HMCN1: variants seen among roughly 807,000 people sequenced by gnomAD.
HMCN1 encodes hemicentin-1.
Under a neutral mutation model 625.9 loss-of-function variants are expected in HMCN1, and 321 were observed. The observed-to-expected ratio is 0.51, with a 90% CI of 0.47 to 0.56. The LOEUF (loss-of-function observed/expected upper bound fraction) is 0.56. Among genes scored for constraint, HMCN1 ranks in the 20% least tolerant of loss-of-function variants. HMCN1 has a pLI of 0.00. For missense variants in HMCN1, 6,588 were observed against 6,887.3 expected, an observed-to-expected ratio of 0.96 and a Z score of 1.54; for synonymous variants, 2,425 against 2,417.6, an observed-to-expected ratio of 1.00 and a Z score of -0.09.
intron 64 of HMCN1, among the ~76,000 whole-genome samples, chr1:186,091,748 C>T (rs1227565680): frequency 1.3e-5 from 2 of 151,948 alleles, no homozygotes; most frequent in African/African-American, 2.4e-5. Context: ...CATAAGTGGG[C>T]ATTAACTACA....
intron 4 of HMCN1, among the ~76,000 whole-genome samples, chr1:185,866,384 T>C (rs868002983): frequency 6.7e-6 from 1 of 150,114 alleles, no homozygotes; most frequent in Middle Eastern, 3.5e-3. Context: ...GTCCTTTAGA[T>C]AGGTTTGTCA....
In HMCN1 at chr1:186,093,600, G is replaced by A. The variant is rs1267956613; in HGVS notation, c.10127G>A (p.Trp3376Ter). ...GGGACGCCTCCACCACAGATAAACT[G>A]GCTGAAGAATGGACTTCCTCTGCCT... ...ATGTPPPQIN[W>*]LKNGLPLPLS... The change falls in exon 66 of 107, where the codon TGG becomes TAG. Residue 3376 changes from tryptophan to a stop codon, truncating the protein, a stop_gained. Coordinates refer to ENST00000271588, the MANE Select transcript of HMCN1 (RefSeq NM_031935.3). LOFTEE classifies it high-confidence loss of function. 6.2e-7 allele frequency: 1 copy of A among 1,613,262 alleles called. No individual in the cohort carries two copies. Among genetic ancestry groups the A allele is most frequent in the Non-Finnish European group, 8.5e-7 (1 of 1,179,616 alleles).
intron 2 of HMCN1, among the ~76,000 whole-genome samples, chr1:185,847,698 C>A (rs538844412): frequency 6.6e-6 from 1 of 152,130 alleles, no homozygotes; most frequent in African/African-American, 2.4e-5. Flanking sequence ...GCCTGTAATC[C>A]CAGTGCTGCT....
chr1:185,864,451 T>C lies in HMCN1; in HGVS notation c.340-19T>C. On this transcript the variant is annotated intron_variant, in intron 2 of 106. Transcript: ENST00000271588. ...GTTTTTGATGATGACGTAATTGAAT[T>C]TTTCTCTCCACTCAACAGGGTGGTG... 1 of 1,613,128 alleles carries C rather than the reference T, an allele frequency of 6.2e-7. No homozygotes were observed. Among genetic ancestry groups the C allele is most frequent in the Non-Finnish European group, 8.5e-7 (1 of 1,179,366 alleles).
chr1:186,048,756 A>C lies in HMCN1; in HGVS notation c.6494A>C (p.Gln2165Pro). The stretch of plus-strand genomic sequence containing the variant: ...TTTTGTTTTCAGATTGAAGATGCTC[A>C]GGTTCAAGACACTGGTCGTTACACT... ...NRSVLKIEDA[Q>P]VQDTGRYTCE... Residue 2165 changes from glutamine to proline, a missense_variant, in exon 42 of 107, where the codon CAG becomes CCG. This residue lies in a region of HMCN1 where 4,628 missense variants were observed against 4,853.1 expected (regional missense o/e 0.95). Transcript: ENST00000271588. The C allele has an allele frequency of 6.2e-7, 1 of 1,606,962 alleles. No homozygotes were observed. The highest frequency in any genetic ancestry group is 8.5e-7 in the Non-Finnish European group (1 of 1,173,902).
chr1:185,854,752 G>A (rs1662359780), intron 2 of HMCN1, among the ~76,000 whole-genome samples: 1 of 151,988 alleles, frequency 6.6e-6, no homozygotes, highest in Middle Eastern at 3.4e-3. Flanking sequence ...TGTAAAATTT[G>A]CGTACCTCAA....
intron 4 of HMCN1, among the ~76,000 whole-genome samples, chr1:185,869,576 T>G (rs1663479303): frequency 6.6e-6 from 1 of 151,954 alleles, no homozygotes; most frequent in Non-Finnish European, 1.5e-5. Context: ...CTTTTTTCAC[T>G]GTGTGTGAAA....
Position 186,016,067 on chromosome 1 carries a change from C to T in HMCN1, c.5019C>T (p.Leu1673=). The part of the protein sequence containing the change: ...CKAAGNPSPI[L]TWLKDGVPVK... ...CTGCTGGAAACCCTTCTCCCATTCT[C>T]ACCTGGTTGAAAGATGGTGTACCTG... is the stretch of plus-strand genomic sequence containing the variant. Residue 1673 remains leucine, a synonymous_variant, in exon 32 of 107, where the codon CTC becomes CTT. Coordinates refer to ENST00000271588, the MANE Select transcript of HMCN1 (RefSeq NM_031935.3). 6.2e-7 allele frequency: 1 copy of T among 1,613,532 alleles called. No homozygotes were observed. Among genetic ancestry groups the T allele is most frequent in the Admixed American group, 1.7e-5 (1 of 59,932 alleles).
chr1:185,865,292 T>C (rs1283366489), intron 3 of HMCN1, among the ~76,000 whole-genome samples: 1 of 152,212 alleles, frequency 6.6e-6, no homozygotes, highest in Non-Finnish European at 1.5e-5. Flanking sequence ...AGCCCAGAAC[T>C]TGTAGAATGT....
intron 15 of HMCN1, among the ~76,000 whole-genome samples, chr1:185,975,587 C>G (rs1158153302): frequency 2.0e-5 from 3 of 152,074 alleles, no homozygotes; most frequent in Admixed American, 6.6e-5. Context: ...GGCAGGGACA[C>G]AGATCCAAAC....
At chr1:186,005,511 TTTAA>T (rs1258476247) in intron 29 of HMCN1, among the ~76,000 whole-genome samples, 5 of 148,790 alleles carry the variant, frequency 3.4e-5, no homozygotes, top group Non-Finnish European at 7.4e-5. Context: ...TAAACAAGTT[TTTAA>T]TTGTTTAAAT....
chr1:186,074,217 G>C (rs960740833), intron 52 of HMCN1, among the ~76,000 whole-genome samples: 1 of 115,546 alleles, frequency 8.7e-6, no homozygotes, highest in African/African-American at 4.4e-5. Context: ...CTATTTTATA[G>C]TAATAATTTC....
At chr1:185,916,751 C>G (rs1462570123) in intron 6 of HMCN1, among the ~76,000 whole-genome samples, 1 of 152,102 alleles carries the variant, frequency 6.6e-6, no homozygotes, top group Non-Finnish European at 1.5e-5. Context: ...GAGGAATTCT[C>G]CCTGGCTTAA....
chr1:186,136,709 A>G lies in HMCN1; in HGVS notation c.13354A>G (p.Asn4452Asp). 1 of 1,613,994 alleles carries G rather than the reference A, an allele frequency of 6.2e-7. No homozygotes were observed. The highest frequency in any genetic ancestry group is 1.1e-5 in the South Asian group (1 of 91,082). Residue 4452 changes from asparagine (N) to aspartate (D), a missense_variant, in exon 87 of 107, where the codon AAT becomes GAT. Asn to Asp is a conservative substitution (Grantham distance 23, BLOSUM62 1). Around this residue, in one of 3 missense-constraint regions of HMCN1, gnomAD observed 1,954 missense variants for 2,013.1 expected, o/e 0.97. Transcript: ENST00000271588. The part of the protein sequence containing the change: ...ITLEPVETVI[N>D]AGGKIILNCQ... ...TCTTGAGCCAGTGGAAACTGTTATT[A>G]ATGCTGGTGGCAAAATCATATTGAA...
At chr1:186,136,371 A>G (rs184369580) in intron 86 of HMCN1, among the ~76,000 whole-genome samples, 1 of 152,296 alleles carries the variant, frequency 6.6e-6, no homozygotes, top group East Asian at 1.9e-4. Context: ...TTTTAAGGAC[A>G]TGGGGCTCAG....
chr1:186,130,669 A>G lies in HMCN1; in HGVS notation c.13202A>G (p.Asn4401Ser), dbSNP rs1661883551. The G allele has an allele frequency of 3.1e-6, 5 of 1,613,048 alleles. No individual in the cohort carries two copies. Among genetic ancestry groups the G allele is most frequent in the African/African-American group, 2.7e-5 (2 of 74,986 alleles). ...EISHRIRQLG[N>S]GSLAIYGTVN... ...AGCCACAGAATCCGGCAACTGGGCAATGGCTCCCTGGCCATCTATGGCACT... is the reference window on the plus strand; with the variant it reads ...AGCCACAGAATCCGGCAACTGGGCAGTGGCTCCCTGGCCATCTATGGCACT... The change falls in exon 85 of 107, where the codon AAT (asparagine) becomes AGT (serine). Residue 4401 changes from asparagine to serine, a missense_variant. Asn to Ser is a conservative substitution (Grantham distance 46). This residue lies in a region of HMCN1 where 1,954 missense variants were observed against 2,013.1 expected (regional missense o/e 0.97). Transcript: ENST00000271588.
At chr1:185,931,307 G>A (rs549146979) in intron 10 of HMCN1, among the ~76,000 whole-genome samples, 1 of 152,206 alleles carries the variant, frequency 6.6e-6, no homozygotes, top group South Asian at 2.1e-4. Context: ...AGGAATGGCT[G>A]CTCTTTGTAC....
intron 4 of HMCN1, among the ~76,000 whole-genome samples, chr1:185,887,671 T>C (rs1664757926): frequency 6.9e-6 from 1 of 145,196 alleles, no homozygotes. Flanking sequence ...TATTCCATGG[T>C]GTATATGTGC....
chr1:185,817,712 A>G (rs1438880600), intron 1 of HMCN1, among the ~76,000 whole-genome samples: 1 of 152,170 alleles, frequency 6.6e-6, no homozygotes, highest in East Asian at 1.9e-4. Context: ...AAATATCTCC[A>G]ATATATTTAT....
Sources: gnomAD v4.1 joint callset for allele counts (sites outside exome capture counted in the v4.1 genomes callset) on GRCh38, gnomAD v4.1.1 for gene constraint, gnomAD v4.1.1 regional missense constraint, MANE v1.5 for transcripts, NCBI Gene and HGNC (gene_info 2026-07-23, HGNC 2026-07-21) for gene names.